The following DPYD variants were observed in gnomAD, a reference collection of about 807,000 sequenced individuals.
DPYD encodes dihydropyrimidine dehydrogenase [NADP(+)].
A neutral mutation model predicts 116.2 loss-of-function variants in DPYD; 109 were observed. That is an observed-to-expected ratio of 0.94 (90% CI 0.80 to 1.10). The LOEUF is 1.10. Ranked by LOEUF, DPYD falls within the 50% of genes least tolerant of loss-of-function variation. The pLI, the probability that DPYD is intolerant of heterozygous loss-of-function variation, is 0.00. For missense variants in DPYD, 1,302 were observed against 1,254.5 expected, an observed-to-expected ratio of 1.04 and a Z score of -0.57; for synonymous variants, 440 against 432.0, an observed-to-expected ratio of 1.02 and a Z score of -0.23.
intron 1 of DPYD, among the ~76,000 whole-genome samples, chr1:97,902,678 G>T (rs1323974774): frequency 6.6e-6 from 1 of 151,726 alleles, no homozygotes; most frequent in African/African-American, 2.4e-5. Flanking sequence ...AAAAGCAGGG[G>T]TATGTTGCTA....
chr1:97,285,005 G>C (rs1348475854), intron 18 of DPYD, among the ~76,000 whole-genome samples: 3 of 152,116 alleles, frequency 2.0e-5, no homozygotes, highest in Non-Finnish European at 4.4e-5. Context: ...TTCAGGACTA[G>C]AGACACACAC....
chr1:97,876,697 G>A (rs565694041), intron 2 of DPYD, among the ~76,000 whole-genome samples: 3 of 152,098 alleles, frequency 2.0e-5, no homozygotes, highest in Non-Finnish European at 2.9e-5. Context: ...CTATTAGGCA[G>A]AGAAGCCACT....
In DPYD at chr1:97,427,727, A is replaced by G. The variant is rs561403701; in HGVS notation, c.1905+22332T>C. Among the ~76,000 whole-genome samples the G allele has an allele frequency of 4.0e-5, 6 of 151,690 alleles. No homozygotes were observed. In the South Asian group the frequency reaches 1.2e-3, roughly 32 times the overall value. On this transcript the variant is annotated intron_variant, in intron 14 of 22. Coordinates refer to ENST00000370192, the MANE Select transcript of DPYD (RefSeq NM_000110.4). The stretch of plus-strand genomic sequence containing the variant: ...AAAAAAAATCTCTCCCTGAAAATGC[A>G]CCTCCGTCTCAAACATTTTTTCCAG...
chr1:97,914,923 G>T (rs1417644470), intron 1 of DPYD, among the ~76,000 whole-genome samples: 1 of 151,926 alleles, frequency 6.6e-6, no homozygotes, highest in Non-Finnish European at 1.5e-5. Context: ...CTTTCTCATA[G>T]ATTCTAACAG....
At chr1:97,478,138 A>G (rs1678090826) in intron 13 of DPYD, among the ~76,000 whole-genome samples, 1 of 152,208 alleles carries the variant, frequency 6.6e-6, no homozygotes, top group Non-Finnish European at 1.5e-5. Flanking sequence ...TTGAATAACC[A>G]GGTTGATTGT....
intron 6 of DPYD, among the ~76,000 whole-genome samples, chr1:97,693,066 G>A (rs1448161572): frequency 5.3e-5 from 8 of 151,780 alleles, no homozygotes; most frequent in Non-Finnish European, 1.0e-4. Context: ...CGAGGCCAGC[G>A]GATCACGAGG....
intron 11 of DPYD, among the ~76,000 whole-genome samples, chr1:97,573,005 T>C (rs1478612773): frequency 6.6e-6 from 1 of 152,022 alleles, no homozygotes; most frequent in Non-Finnish European, 1.5e-5. Flanking sequence ...ACATATTTTA[T>C]TTTCCCTTCA....
chr1:97,681,379 G>C (rs1571180812), intron 7 of DPYD, among the ~76,000 whole-genome samples: 1 of 152,214 alleles, frequency 6.6e-6, no homozygotes, highest in South Asian at 2.1e-4. Flanking sequence ...GGAGCAAGAA[G>C]TTGGAGAGGA....
chr1:97,202,802 G>A (rs1055282942), intron 19 of DPYD, among the ~76,000 whole-genome samples: 1 of 152,252 alleles, frequency 6.6e-6, no homozygotes, highest in East Asian at 1.9e-4. Context: ...CTGCAACCAA[G>A]AAATAATAAT....
At chr1:97,640,274 G>A (rs1362482739) in intron 8 of DPYD, among the ~76,000 whole-genome samples, 1 of 151,706 alleles carries the variant, frequency 6.6e-6, no homozygotes, top group Non-Finnish European at 1.5e-5. Context: ...GCTTCTTGTA[G>A]AAGCATTTTT....
intron 14 of DPYD, among the ~76,000 whole-genome samples, chr1:97,447,429 C>T (rs1224906952): frequency 6.6e-6 from 1 of 152,144 alleles, no homozygotes; most frequent in African/African-American, 2.4e-5. Flanking sequence ...TCGAGGTGCA[C>T]ACACATTATT....
chr1:97,711,781 C>G lies in DPYD; in HGVS notation c.483+9729G>C, dbSNP rs145167877. Among the ~76,000 whole-genome samples, 23 of 151,960 alleles carry G rather than the reference C, an allele frequency of 1.5e-4. No individual in the cohort carries two copies. The East Asian group carries it at 3.9e-3, about 26-fold the overall frequency. ...ATTATTATTTTTATCTTCCAAAACACGTCCTTGTCAATATTATAAAACTTT... is the reference window on the plus strand; with the variant it reads ...ATTATTATTTTTATCTTCCAAAACAGGTCCTTGTCAATATTATAAAACTTT... On this transcript the variant is annotated intron_variant, in intron 5 of 22. Coordinates refer to ENST00000370192, the MANE Select transcript of DPYD (RefSeq NM_000110.4).
chr1:97,844,788 C>A (rs910794131), intron 2 of DPYD, among the ~76,000 whole-genome samples: 1 of 152,202 alleles, frequency 6.6e-6, no homozygotes, highest in Non-Finnish European at 1.5e-5. Context: ...CTGGGCAACC[C>A]TGCCTTCTCA....
At chr1:97,350,544 GA>G (rs1202383380) in intron 16 of DPYD, among the ~76,000 whole-genome samples, 1 of 152,090 alleles carries the variant, frequency 6.6e-6, no homozygotes, top group Non-Finnish European at 1.5e-5. Context: ...AGGGGTCAGT[GA>G]AATAAATTAA....
intron 16 of DPYD, among the ~76,000 whole-genome samples, chr1:97,332,908 T>C (rs1014027464): frequency 6.6e-6 from 1 of 152,172 alleles, no homozygotes; most frequent in Non-Finnish European, 1.5e-5. Flanking sequence ...AGTGAGGGTA[T>C]GTGAATGACT....
chr1:97,889,252 A>C (rs754132883), intron 1 of DPYD, among the ~76,000 whole-genome samples: 1 of 152,104 alleles, frequency 6.6e-6, no homozygotes, highest in Non-Finnish European at 1.5e-5. Flanking sequence ...ATAACTTACT[A>C]TTCACACGAA....
chr1:97,243,458 C>G (rs893609123), intron 18 of DPYD, among the ~76,000 whole-genome samples: 2 of 151,886 alleles, frequency 1.3e-5, no homozygotes, highest in East Asian at 3.9e-4. Flanking sequence ...GGGATAAATG[C>G]CACATCCTCA....
chr1:97,203,982 G>A (rs1471000372), intron 19 of DPYD, among the ~76,000 whole-genome samples: 1 of 151,976 alleles, frequency 6.6e-6, no homozygotes, highest in South Asian at 2.1e-4. Context: ...GCTGTTATCA[G>A]TGAGTCAACA....
At chr1:97,241,826 A>G (rs371210523) in intron 18 of DPYD, among the ~76,000 whole-genome samples, 1 of 151,996 alleles carries the variant, frequency 6.6e-6, no homozygotes, top group East Asian at 1.9e-4. Flanking sequence ...AAGACTTGGC[A>G]CAGTGCCTAG....
Sources: gnomAD v4.1 joint callset for allele counts (sites outside exome capture counted in the v4.1 genomes callset) on GRCh38, gnomAD v4.1.1 for gene constraint, MANE v1.5 for transcripts, NCBI Gene and HGNC (gene_info 2026-07-23, HGNC 2026-07-21) for gene names.